The following BCAR3 variants were observed in gnomAD, a reference collection of about 807,000 sequenced individuals.
The protein encoded by BCAR3 is BCAR3 adaptor protein, NSP family member.
BCAR3 carries 37 observed loss-of-function variants against 80.1 expected under a neutral mutation model. The ratio of observed to expected loss-of-function variants is 0.46; its 90% CI spans 0.36 to 0.61. The LOEUF (loss-of-function observed/expected upper bound fraction) is 0.61. BCAR3 is among the 20% of genes least tolerant of loss of function. The probability of loss-of-function intolerance (pLI) is 0.00; values close to 1 mark genes in which losing one functional copy is unlikely to be tolerated. For synonymous variants in BCAR3, 389 were observed against 418.9 expected, an observed-to-expected ratio of 0.93 and a Z score of 0.87; for missense variants, 978 against 1,068.2, an observed-to-expected ratio of 0.92 and a Z score of 1.18.
chr1:93,610,106 G>A (rs540634524), intron 3 of BCAR3, among the ~76,000 whole-genome samples: 17 of 152,326 alleles, frequency 1.1e-4, no homozygotes, highest in African/African-American at 3.8e-4. Context: ...CCCCAGCACC[G>A]ACACATCCGA....
chr1:93,803,079 A>C (rs1438928709), intron 2 of BCAR3, among the ~76,000 whole-genome samples: 1 of 152,200 alleles, frequency 6.6e-6, no homozygotes, highest in African/African-American at 2.4e-5. Context: ...CTTTATGAGC[A>C]TCCCCTGCAG....
chr1:93,644,509 G>A (rs1448471365), intron 2 of BCAR3, among the ~76,000 whole-genome samples: 1 of 152,144 alleles, frequency 6.6e-6, no homozygotes, highest in African/African-American at 2.4e-5. Context: ...TTTGATTGAC[G>A]GATGGCTCAT....
At chr1:93,583,081 A>G (rs1322596787) in intron 6 of BCAR3, 128 bp from the exon 7 acceptor site, 3 of 1,154,330 alleles carry the variant, frequency 2.6e-6, no homozygotes, top group African/African-American at 3.1e-5. Context: ...TTTCATTTCC[A>G]AAAGAAAATT....
chr1:93,654,436 G>A (rs1456667642), intron 2 of BCAR3, among the ~76,000 whole-genome samples: 1 of 152,070 alleles, frequency 6.6e-6, no homozygotes, highest in Non-Finnish European at 1.5e-5. Context: ...ACAACCGCAA[G>A]GAACTGAATT....
chr1:93,704,538 A>G (rs1369820886), intron 3 of BCAR3, among the ~76,000 whole-genome samples: 1 of 152,220 alleles, frequency 6.6e-6, no homozygotes, highest in Non-Finnish European at 1.5e-5. Context: ...CTGGTGCCAT[A>G]GCCATGGAGC....
intron 11 of BCAR3, among the ~76,000 whole-genome samples, chr1:93,566,117 G>A (rs1672940303): frequency 6.6e-6 from 1 of 152,124 alleles, no homozygotes; most frequent in African/African-American, 2.4e-5. Flanking sequence ...ATGTGGAAGG[G>A]CTTCCCAGCT....
chr1:93,569,242 T>A (rs1673105590), intron 9 of BCAR3, among the ~76,000 whole-genome samples: 1 of 152,210 alleles, frequency 6.6e-6, no homozygotes, highest in South Asian at 2.1e-4. Context: ...TTAAGACAGG[T>A]ATTTTGGCTT....
chr1:93,749,625 A>T (rs1437217703), intron 2 of BCAR3, among the ~76,000 whole-genome samples: 1 of 151,732 alleles, frequency 6.6e-6, no homozygotes, highest in Non-Finnish European at 1.5e-5. Flanking sequence ...TCCAATCTCT[A>T]GAAACCCAAA....
intron 2 of BCAR3, among the ~76,000 whole-genome samples, chr1:93,714,548 T>C (rs968246844): frequency 6.6e-6 from 1 of 152,174 alleles, no homozygotes; most frequent in Non-Finnish European, 1.5e-5. Flanking sequence ...CTTCAGAACA[T>C]AAGCTTCAAA....
intron 7 of BCAR3, among the ~76,000 whole-genome samples, chr1:93,580,086 A>T (rs995293050): frequency 1.3e-5 from 2 of 152,152 alleles, no homozygotes; most frequent in African/African-American, 2.4e-5. Context: ...CCCACCTCCC[A>T]GGCCTGGGCA....
At chr1:93,732,930 GC>G (rs1220328640) in intron 2 of BCAR3, among the ~76,000 whole-genome samples, 1 of 152,184 alleles carries the variant, frequency 6.6e-6, no homozygotes, top group Non-Finnish European at 1.5e-5. Context: ...ACAAAGACCA[GC>G]TAAACACAAA....
At chr1:93,794,111 C>T (rs1466011595) in intron 2 of BCAR3, among the ~76,000 whole-genome samples, 2 of 22,760 alleles carry the variant, frequency 8.8e-5, no homozygotes, top group Non-Finnish European at 1.3e-4. Flanking sequence ...TGGTGTGGTG[C>T]TGAAAAAAAT....
At chr1:93,653,793 G>C (rs796475732) in intron 2 of BCAR3, among the ~76,000 whole-genome samples, 51 of 152,324 alleles carry the variant, frequency 3.3e-4, no homozygotes, top group African/African-American at 1.1e-3. Context: ...GCCCCACATG[G>C]GGTAGGTGGT....
upstream of BCAR3, among the ~76,000 whole-genome samples, chr1:93,682,371 T>C (rs11164964): frequency 0.029 from 4,396 of 152,232 alleles, 209 homozygotes; most frequent in African/African-American, 0.099. Flanking sequence ...CATTATAAAG[T>C]CATAGAAATA....
intron 2 of BCAR3, among the ~76,000 whole-genome samples, chr1:93,757,726 C>T (rs1352216558): frequency 1.3e-5 from 2 of 152,202 alleles, no homozygotes; most frequent in Non-Finnish European, 2.9e-5. Flanking sequence ...CATTGCTTCT[C>T]CCACCACACA....
intron 2 of BCAR3, among the ~76,000 whole-genome samples, chr1:93,779,744 T>C (rs867276070): frequency 2.6e-5 from 4 of 152,180 alleles, no homozygotes; most frequent in Non-Finnish European, 4.4e-5. Flanking sequence ...TACTCCTGGA[T>C]AGCAGACATT....
At chr1:93,631,827 A>AGCCC (rs1381773316) in intron 3 of BCAR3, among the ~76,000 whole-genome samples, 2 of 152,306 alleles carry the variant, frequency 1.3e-5, no homozygotes, top group African/African-American at 4.8e-5. Context: ...TCCAGAGGGC[A>AGCCC]GCTCCAGGGT....
chr1:93,575,531 T>A (rs1294773622), intron 8 of BCAR3, among the ~76,000 whole-genome samples: 2 of 152,114 alleles, frequency 1.3e-5, no homozygotes, highest in African/African-American at 4.8e-5. Flanking sequence ...TCTGACCCTA[T>A]TTGTCCACCC....
chr1:93,643,287 G>C (rs553220178), intron 2 of BCAR3, among the ~76,000 whole-genome samples: 1 of 151,082 alleles, frequency 6.6e-6, no homozygotes, highest in African/African-American at 2.4e-5. Flanking sequence ...ATTTTGGGGG[G>C]GCCGAGGCAG....
Sources: gnomAD v4.1 joint callset for allele counts (sites outside exome capture counted in the v4.1 genomes callset) on GRCh38, gnomAD v4.1.1 for gene constraint, MANE v1.5 for transcripts, NCBI Gene and HGNC (gene_info 2026-07-23, HGNC 2026-07-21) for gene names.